WHRN: variants seen among roughly 807,000 people sequenced by gnomAD.
The protein encoded by WHRN is CASK-interacting protein CIP98.
In WHRN, 41 loss-of-function variants were observed where a neutral mutation model predicts 68.3. The ratio of observed to expected loss-of-function variants is 0.60; its 90% CI spans 0.47 to 0.78. WHRN has a LOEUF of 0.78. Among genes scored for constraint, WHRN ranks in the 30% least tolerant of loss-of-function variants. WHRN has a pLI of 0.00. For missense variants in WHRN, 1,243 were observed against 1,244.7 expected, an observed-to-expected ratio of 1.00 and a Z score of 0.02; for synonymous variants, 560 against 561.3, an observed-to-expected ratio of 1.00 and a Z score of 0.03.
intron 2 of WHRN, among the ~76,000 whole-genome samples, chr9:114,468,417 G>A (rs1443464832): frequency 6.6e-6 from 1 of 152,066 alleles, no homozygotes; most frequent in East Asian, 1.9e-4. Flanking sequence ...CTTCTCTCTG[G>A]GACCCTATCT....
rs1416501569 is a variant in WHRN, at chr9:114,438,531, C to G, written c.964-12118G>C. Among the ~76,000 whole-genome samples the G allele has an allele frequency of 2.7e-5, 4 of 150,328 alleles. No individual in the cohort carries two copies. In the South Asian group the frequency reaches 8.5e-4, roughly 32 times the overall value. On this transcript the variant is annotated intron_variant, in intron 3 of 11. Coordinates refer to ENST00000362057, the MANE Select transcript of WHRN (RefSeq NM_015404.4). ...GCAGTGGCGCAATCTTGGCTCACTG[C>G]AAGCTCTGCCTCCCGTGTTCACACC...
At chr9:114,466,540 G>T in intron 2 of WHRN, 148 bp from the exon 3 acceptor site, 1 of 1,144,370 alleles carries the variant, frequency 8.7e-7, no homozygotes, top group Non-Finnish European at 1.3e-6. Context: ...AGATACCCTA[G>T]AACATTCCAG....
chr9:114,407,101 G>A (rs1240726027), intron 8 of WHRN, among the ~76,000 whole-genome samples: 1 of 152,216 alleles, frequency 6.6e-6, no homozygotes, highest in Admixed American at 6.5e-5. Flanking sequence ...ATCTTGGCGG[G>A]TGTCTCTGGG....
At chr9:114,405,018 ATTTCTCTT>A (rs892502059) in intron 9 of WHRN, among the ~76,000 whole-genome samples, 3 of 148,924 alleles carry the variant, frequency 2.0e-5, no homozygotes, top group African/African-American at 7.4e-5. Flanking sequence ...GTGTGGTGGA[ATTTCTCTT>A]TTTCTCTTGG....
chr9:114,475,388 G>A (rs558878620), intron 2 of WHRN, among the ~76,000 whole-genome samples: 1 of 152,296 alleles, frequency 6.6e-6, no homozygotes, highest in South Asian at 2.1e-4. Flanking sequence ...AGTGATTTAA[G>A]AGCAGCCACG....
chr9:114,483,738 C>T (rs1842273601), intron 1 of WHRN, among the ~76,000 whole-genome samples: 1 of 152,234 alleles, frequency 6.6e-6, no homozygotes, highest in South Asian at 2.1e-4. Flanking sequence ...TCTCCCCTTG[C>T]TAGGTCTTGG....
intron 3 of WHRN, among the ~76,000 whole-genome samples, chr9:114,445,721 C>T (rs137874738): frequency 1.5e-4 from 23 of 152,252 alleles, no homozygotes; most frequent in East Asian, 7.7e-4. Context: ...TCACCCAGTC[C>T]GTTCCATGCC....
chr9:114,478,585 G>A lies in WHRN; in HGVS notation c.805C>T (p.Leu269=). The A allele has an allele frequency of 6.2e-7, 1 of 1,614,082 alleles. No homozygotes were observed. The highest frequency in any genetic ancestry group is 8.5e-7 in the Non-Finnish European group (1 of 1,179,962). ...RQQEGDRRST[L]HLLQGGDEKK... The stretch of plus-strand genomic sequence containing the variant: ...TCATCCCCTCCTTGCAGGAGGTGCA[G>A]GGTGCTCCTCCGGTCACCCTCCTGC... The change falls in exon 2 of 12, where the codon CTG becomes TTG. Residue 269 remains leucine (L), a synonymous_variant. Transcript: ENST00000362057.
chr9:114,500,171 T>TG (rs1222328508), intron 1 of WHRN, among the ~76,000 whole-genome samples: 1 of 152,262 alleles, frequency 6.6e-6, no homozygotes, highest in East Asian at 1.9e-4. Flanking sequence ...TACTCAATAA[T>TG]GGGCTTATTA....
At chr9:114,462,925 G>C (rs1218837320) in intron 3 of WHRN, among the ~76,000 whole-genome samples, 1 of 152,226 alleles carries the variant, frequency 6.6e-6, no homozygotes, top group African/African-American at 2.4e-5. Context: ...AGTAATCAGA[G>C]AGAGAGGGCG....
rs757016407 is a variant in WHRN, at chr9:114,504,404, G to C, written c.398C>G (p.Ala133Gly). 1 of 1,605,406 alleles carries C rather than the reference G, an allele frequency of 6.2e-7. No homozygotes were observed. Among genetic ancestry groups the C allele is most frequent in the East Asian group, 2.2e-5 (1 of 44,860 alleles). Residue 133 changes from alanine (A) to glycine (G), a missense_variant, in exon 1 of 12, where the codon GCG becomes GGG. Transcript: ENST00000362057. ...RQPAWGGPDS[A>G]GPGEVRLVSL... ...CACCAGGCGCACCTCCCCTGGCCCC[G>C]CGCTGTCGGGGCCGCCCCAGGCGGG...
intron 1 of WHRN, among the ~76,000 whole-genome samples, chr9:114,489,394 T>C (rs1260192271): frequency 6.6e-6 from 1 of 152,110 alleles, no homozygotes; most frequent in Non-Finnish European, 1.5e-5. Context: ...CCTTTTGCCT[T>C]GGTTGCTAGG....
At chr9:114,501,221 C>T (rs1304350148) in intron 1 of WHRN, among the ~76,000 whole-genome samples, 1 of 152,154 alleles carries the variant, frequency 6.6e-6, no homozygotes, top group Non-Finnish European at 1.5e-5. Context: ...GAAAGGTCTA[C>T]TTTTTTATTA....
At chr9:114,492,213 C>T (rs1012340746) in intron 1 of WHRN, among the ~76,000 whole-genome samples, 1 of 152,104 alleles carries the variant, frequency 6.6e-6, no homozygotes, top group Non-Finnish European at 1.5e-5. Flanking sequence ...GTCCCAGGGG[C>T]AGTCTGGCAA....
At chr9:114,424,184 G>C (rs182247665) in intron 6 of WHRN, 150 bp downstream of exon 6, 1 of 888,826 alleles carries the variant, frequency 1.1e-6, no homozygotes, top group Non-Finnish European at 1.8e-6. Flanking sequence ...TGAGCATCCT[G>C]GGGGCAGGAG....
At chr9:114,460,387 T>C (rs1466578771) in intron 3 of WHRN, among the ~76,000 whole-genome samples, 1 of 152,236 alleles carries the variant, frequency 6.6e-6, no homozygotes, top group African/African-American at 2.4e-5. Context: ...AATAAAAGTG[T>C]ATCTAATGTG....
intron 3 of WHRN, among the ~76,000 whole-genome samples, chr9:114,433,366 C>T (rs1467075943): frequency 1.3e-5 from 2 of 152,192 alleles, no homozygotes; most frequent in Non-Finnish European, 2.9e-5. Flanking sequence ...TCTCAGGCCG[C>T]GCGTGCACCT....
At chr9:114,438,387 A>G (rs1838050411) in intron 3 of WHRN, among the ~76,000 whole-genome samples, 1 of 152,084 alleles carries the variant, frequency 6.6e-6, no homozygotes, top group South Asian at 2.1e-4. Flanking sequence ...AAACAGGCAC[A>G]CTTTTACACA....
At chr9:114,438,698 G>A (rs1016842726) in intron 3 of WHRN, among the ~76,000 whole-genome samples, 8 of 152,090 alleles carry the variant, frequency 5.3e-5, no homozygotes, top group South Asian at 4.2e-4. Flanking sequence ...TGATCCGCCC[G>A]CCTTGGCCTC....
Sources: gnomAD v4.1 joint callset for allele counts (sites outside exome capture counted in the v4.1 genomes callset) on GRCh38, gnomAD v4.1.1 for gene constraint, MANE v1.5 for transcripts, NCBI Gene and HGNC (gene_info 2026-07-23, HGNC 2026-07-21) for gene names.